ABCG1: variants seen among roughly 807,000 people sequenced by gnomAD.
ABCG1 encodes the protein ATP binding cassette subfamily G member 1, also known as ATP-binding cassette sub-family G member 1.
Under a neutral mutation model 69.2 loss-of-function variants are expected in ABCG1, and 29 were observed. The observed-to-expected ratio is 0.42, with a 90% CI of 0.31 to 0.57. The LOEUF (loss-of-function observed/expected upper bound fraction) is 0.57, where lower values mean the gene tolerates loss of function less well. ABCG1 is among the 20% of genes least tolerant of loss of function. The pLI, the probability that ABCG1 is intolerant of heterozygous loss-of-function variation, is 0.15. For missense variants in ABCG1, 718 were observed against 898.1 expected, an observed-to-expected ratio of 0.80 and a Z score of 2.56; for synonymous variants, 370 against 374.8, an observed-to-expected ratio of 0.99 and a Z score of 0.15.
intron 1 of ABCG1, among the ~76,000 whole-genome samples, chr21:42,225,114 A>G (rs998278918): frequency 1.3e-5 from 2 of 152,238 alleles, no homozygotes; most frequent in Non-Finnish European, 2.9e-5. Context: ...AGAGGTAGCA[A>G]GAGAGTAGAA....
At chr21:42,257,521 T>C (rs553008437) in intron 2 of ABCG1, among the ~76,000 whole-genome samples, 2 of 152,344 alleles carry the variant, frequency 1.3e-5, no homozygotes, top group African/African-American at 2.4e-5. Flanking sequence ...GAAGCGTTCT[T>C]GTCCTAAAGC....
At chr21:42,212,165 G>A (rs2381039), upstream of ABCG1, among the ~76,000 whole-genome samples, 6,272 of 152,194 alleles carry the variant, frequency 0.041, 405 homozygotes, top group African/African-American at 0.14. Flanking sequence ...TTTAAGTTAC[G>A]CAGTCTAAGG....
At chr21:42,232,319 C>T (rs1229268173) in intron 2 of ABCG1, among the ~76,000 whole-genome samples, 1 of 152,222 alleles carries the variant, frequency 6.6e-6, no homozygotes, top group Non-Finnish European at 1.5e-5. Context: ...TCCCTGTGAG[C>T]ACGTTGCAAG....
Position 42,219,251 on chromosome 21 carries a change from C to T in ABCG1, c.-12C>T, listed in dbSNP as rs561009948. On this transcript the variant is annotated 5_prime_UTR_variant, in exon 1 of 15. Coordinates refer to ENST00000398449, the MANE Select transcript of ABCG1 (RefSeq NM_016818.3). This position sits in a 1 kb window ranked among gnomAD's most constrained non-coding sequence, Gnocchi z 5.3. ...CCGCCGCCGCCGCCGCCGCCGCCGC[C>T]GCCCCCGGGGCATGGCCTGTCTGAT... The T allele has an allele frequency of 2.9e-5, 45 of 1,543,462 alleles. No homozygotes were observed. In the African/African-American group the frequency reaches 5.2e-4, roughly 18 times the overall value.
rs2068723005 is a variant in ABCG1 at position 42,276,958 on chromosome 21, T to C, written c.588+13T>C. 3 of 1,614,170 alleles carry C rather than the reference T, an allele frequency of 1.9e-6. No individual in the cohort carries two copies. The highest frequency in any genetic ancestry group is 2.7e-5 in the African/African-American group (2 of 75,056). ...CAGAAGGGAAATGGTAAGTGGGTTG[T>C]TTGGTGCCCACAAGTGGTCCAGAAA... On this transcript the variant is annotated intron_variant, in intron 5 of 14. Coordinates refer to ENST00000398449, the MANE Select transcript of ABCG1 (RefSeq NM_016818.3). The surrounding 1 kb of genome is among the most constrained non-coding windows in gnomAD (Gnocchi z 5.3).
intron 2 of ABCG1, among the ~76,000 whole-genome samples, chr21:42,257,237 A>C (rs991519447): frequency 6.6e-6 from 1 of 152,200 alleles, no homozygotes; most frequent in Non-Finnish European, 1.5e-5. Context: ...GTCATGCCCC[A>C]GGCCAATTCC....
At chr21:42,278,819 C>G (rs1320411224) in intron 5 of ABCG1, among the ~76,000 whole-genome samples, 1 of 152,142 alleles carries the variant, frequency 6.6e-6, no homozygotes, top group Non-Finnish European at 1.5e-5. Context: ...GAACCCAAAT[C>G]AACAGAACGG....
At chr21:42,255,254 CGT>C (rs1422902990) in intron 2 of ABCG1, among the ~76,000 whole-genome samples, 3 of 152,120 alleles carry the variant, frequency 2.0e-5, no homozygotes, top group African/African-American at 7.2e-5. Context: ...GTGCAGGGGG[CGT>C]GTGTGTGCAC....
At chr21:42,251,826 G>T (rs556870312) in intron 2 of ABCG1, among the ~76,000 whole-genome samples, 1 of 152,338 alleles carries the variant, frequency 6.6e-6, no homozygotes, top group South Asian at 2.1e-4. Flanking sequence ...CTGGCCTTGG[G>T]CATGGGAGGG....
chr21:42,226,277 G>A (rs149358607), intron 2 of ABCG1, among the ~76,000 whole-genome samples: 81 of 152,230 alleles, frequency 5.3e-4, no homozygotes, highest in African/African-American at 1.8e-3. Flanking sequence ...TTTTTCAACC[G>A]CCCAGAGCAA....
At chr21:42,290,729 T>A (rs117179053) in intron 11 of ABCG1, among the ~76,000 whole-genome samples, 304 of 152,308 alleles carry the variant, frequency 2.0e-3, no homozygotes, top group Non-Finnish European at 3.4e-3. Flanking sequence ...AAGCTTCCCC[T>A]GATTTCCAAG....
At chr21:42,256,223 A>C (rs1170071452) in intron 2 of ABCG1, 2 of 1,450,686 alleles carry the variant, frequency 1.4e-6, no homozygotes, top group African/African-American at 2.9e-5. Flanking sequence ...GGTTTCCCAT[A>C]CAAGAAAGAT....
chr21:42,279,886 C>T (rs1266666765), intron 5 of ABCG1, among the ~76,000 whole-genome samples: 1 of 152,230 alleles, frequency 6.6e-6, no homozygotes, highest in African/African-American at 2.4e-5. Context: ...GCAGATGGCA[C>T]CCATAGGTGT....
Position 42,294,651 on chromosome 21 carries a change from C to T in ABCG1, c.1763C>T (p.Ser588Phe). The change falls in exon 14 of 15, where the codon TCC becomes TTC. Residue 588 changes from serine (S) to phenylalanine (F), a missense_variant. Coordinates refer to ENST00000398449, the MANE Select transcript of ABCG1 (RefSeq NM_016818.3). ...PTYLQWMSYI[S>F]YVRYGFEGVI... Reference sequence around the variant, plus strand: ...TACCTACAGTGGATGTCCTACATCTCCTATGTCAGGTAGCGGGCGTGGGGC... The same window carrying T: ...TACCTACAGTGGATGTCCTACATCTTCTATGTCAGGTAGCGGGCGTGGGGC... 6.2e-7 allele frequency: 1 copy of T among 1,613,974 alleles called. No individual in the cohort carries two copies. The highest frequency in any genetic ancestry group is 8.5e-7 in the Non-Finnish European group (1 of 1,179,816).
intron 13 of ABCG1, among the ~76,000 whole-genome samples, chr21:42,293,073 A>ACACACCACACTG (rs2069108611): frequency 5.0e-5 from 1 of 20,030 alleles, no homozygotes; most frequent in Admixed American, 5.0e-4. Flanking sequence ...CACACTACAC[A>ACACACCACACTG]CACACCACAC....
At chr21:42,275,254 G>C (rs1003534857) in intron 4 of ABCG1, among the ~76,000 whole-genome samples, 4 of 152,206 alleles carry the variant, frequency 2.6e-5, no homozygotes, top group African/African-American at 9.7e-5. Flanking sequence ...CTGTGGGGCT[G>C]TTCCCATTCG....
chr21:42,210,607 ACTTGT>A (rs2067579144), intron 2 of ABCG1, among the ~76,000 whole-genome samples: 2 of 152,318 alleles, frequency 1.3e-5, no homozygotes, highest in South Asian at 4.1e-4. Flanking sequence ...GTAATACTTA[ACTTGT>A]CTTGTCTTAA....
At chr21:42,218,172 A>T (rs1428323418), upstream of ABCG1, among the ~76,000 whole-genome samples, 1 of 152,130 alleles carries the variant, frequency 6.6e-6, no homozygotes, top group African/African-American at 2.4e-5. Flanking sequence ...GGCTCATCTG[A>T]GGTGTGGTTG....
At chr21:42,277,661 G>A (rs1208173156) in intron 5 of ABCG1, among the ~76,000 whole-genome samples, 2 of 152,184 alleles carry the variant, frequency 1.3e-5, no homozygotes. Context: ...TGGAATTTGG[G>A]GAAACCCCCC....
Sources: allele counts gnomAD v4.1 joint callset (sites outside exome capture counted in the v4.1 genomes callset), GRCh38; gene constraint gnomAD v4.1.1; non-coding constraint Gnocchi (gnomAD v3.1); transcripts MANE v1.5; gene names NCBI Gene and HGNC (gene_info 2026-07-23, HGNC 2026-07-21).